The following MYH3 variants were observed in gnomAD, a reference collection of about 807,000 sequenced individuals.
MYH3 encodes the protein myosin heavy chain 3, also known as myosin-3.
A neutral mutation model predicts 238.0 loss-of-function variants in MYH3; 130 were observed. That is an observed-to-expected ratio of 0.55 (90% CI 0.47 to 0.63). MYH3 has a LOEUF of 0.63. Ranked by LOEUF, MYH3 falls within the 30% of genes least tolerant of loss-of-function variation. The pLI is 0.00. For missense variants in MYH3, 1,853 were observed against 2,374.9 expected, an observed-to-expected ratio of 0.78 and a Z score of 4.57; for synonymous variants, 880 against 924.1, an observed-to-expected ratio of 0.95 and a Z score of 0.86.
chr17:10,642,668 T>A lies in MYH3; in HGVS notation c.1637A>T (p.Asp546Val). ...ATACAGCTTGTTCTTGAAGGAGGTG[T>A]CTGTTGCCTTGGGGAACATGCACTC... ...EEECMFPKAT[D>V]TSFKNKLYDQ... Residue 546 changes from aspartate (D) to valine (V), a missense_variant, in exon 16 of 41, where the codon GAC (aspartate) becomes GTC (valine). Around this residue, in one of 3 missense-constraint regions of MYH3, gnomAD observed 678 missense variants for 1,058.9 expected, o/e 0.64. Coordinates refer to ENST00000583535, the MANE Select transcript of MYH3 (RefSeq NM_002470.4). This position sits in a 1 kb window ranked among gnomAD's most constrained non-coding sequence, Gnocchi z 5.4. 1 of 1,614,214 alleles carries A rather than the reference T, an allele frequency of 6.2e-7. No individual in the cohort carries two copies. Among genetic ancestry groups the A allele is most frequent in the Non-Finnish European group, 8.5e-7 (1 of 1,180,038 alleles).
chr17:10,663,543 G>A, the MYH3 span, among the ~76,000 whole-genome samples: 2 of 152,002 alleles, frequency 1.3e-5, no homozygotes, highest in East Asian at 3.9e-4. Flanking sequence ...AGGAAATGAA[G>A]GCTTCTGGAA....
the MYH3 span, among the ~76,000 whole-genome samples, chr17:10,668,787 T>C: frequency 6.6e-6 from 1 of 152,240 alleles, no homozygotes; most frequent in South Asian, 2.1e-4. Context: ...TCTGATGCTT[T>C]AGTTTGCTTT....
At chr17:10,649,941 TC>T (rs2074359484) in intron 6 of MYH3, among the ~76,000 whole-genome samples, 1 of 152,054 alleles carries the variant, frequency 6.6e-6, no homozygotes, top group Non-Finnish European at 1.5e-5. Context: ...CCCAAATCGA[TC>T]TTTTTATTTT....
chr17:10,630,578 G>C, intron 36 of MYH3, 120 bp from the exon 37 acceptor site: 2 of 1,449,596 alleles, frequency 1.4e-6, no homozygotes, highest in Non-Finnish European at 1.9e-6. Context: ...GGCCAGGCGC[G>C]GTGGCTCACG....
chr17:10,671,606 T>G, the MYH3 span, among the ~76,000 whole-genome samples: 2 of 136,212 alleles, frequency 1.5e-5, no homozygotes, highest in Non-Finnish European at 3.1e-5. Context: ...TGAGACAGAG[T>G]CTAGCTCTTG....
In MYH3 at chr17:10,628,595, C is replaced by T. The variant is rs2074116544; in HGVS notation, c.*58G>A. 4.4e-6 allele frequency: 7 copies of T among 1,583,674 alleles called. No homozygotes were observed. Among genetic ancestry groups the T allele is most frequent in the South Asian group, 3.3e-5 (3 of 90,522 alleles). Reference sequence around the variant, plus strand: ...CACATGGACATTAAGTATCAATGGTCAGGAATCAAGAAAATATACATTTTG... The same window carrying T: ...CACATGGACATTAAGTATCAATGGTTAGGAATCAAGAAAATATACATTTTG... On this transcript the variant is annotated 3_prime_UTR_variant, in exon 41 of 41. Coordinates refer to ENST00000583535, the MANE Select transcript of MYH3 (RefSeq NM_002470.4).
At position 10,647,351 on chromosome 17, in the gene MYH3, G is replaced by A. The variant is rs1478723747; in HGVS notation, c.799+12C>T. ...CTCTGAGACGCCATCGAATCCCCAT[G>A]GATCTACTTACAAGTTTCAATATCT... is the stretch of plus-strand genomic sequence containing the variant. On this transcript the variant is annotated intron_variant, in intron 9 of 40. Coordinates refer to ENST00000583535, the MANE Select transcript of MYH3 (RefSeq NM_002470.4). The A allele has an allele frequency of 3.1e-6, 5 of 1,614,080 alleles. No homozygotes were observed. Among genetic ancestry groups the A allele is most frequent in the Non-Finnish European group, 4.2e-6 (5 of 1,179,934 alleles).
At position 10,637,709 on chromosome 17, in the gene MYH3, G is replaced by A; in HGVS notation, c.3856+100C>T. 2.0e-6 allele frequency: 3 copies of A among 1,512,278 alleles called. No homozygotes were observed. In the South Asian group the frequency reaches 3.5e-5, roughly 17 times the overall value. The allele number at this position is 1,512,278 out of a possible 1,614,324, so 93.7% of individuals were successfully genotyped here. On this transcript the variant is annotated intron_variant, in intron 28 of 40. Coordinates refer to ENST00000583535, the MANE Select transcript of MYH3 (RefSeq NM_002470.4). ...TCTCTCCTGAAAAGATGCTTCCCTA[G>A]AGATTCTCCCTCAAACACACCCTGC...
upstream of MYH3, among the ~76,000 whole-genome samples, chr17:10,657,639 C>G (rs746185822): frequency 6.6e-6 from 1 of 152,164 alleles, no homozygotes; most frequent in Non-Finnish European, 1.5e-5. Context: ...ACACCCTGAA[C>G]GCGGCGTGAG....
intron 40 of MYH3, 102 bp downstream of exon 40, chr17:10,629,495 T>G: frequency 6.7e-7 from 1 of 1,492,976 alleles, no homozygotes; most frequent in Non-Finnish European, 9.2e-7. Flanking sequence ...TTCCTGAGCC[T>G]GAGACTCCCC....
At chr17:10,666,491 C>T in the MYH3 span, among the ~76,000 whole-genome samples, 3 of 146,724 alleles carry the variant, frequency 2.0e-5, no homozygotes, top group Non-Finnish European at 4.5e-5. Context: ...CCTGTAATCC[C>T]AACACTTTGG....
the MYH3 span, among the ~76,000 whole-genome samples, chr17:10,672,011 T>C: frequency 3.5e-4 from 53 of 152,358 alleles, no homozygotes; most frequent in South Asian, 1.7e-3. Context: ...GTTTACTTTA[T>C]GCTTTCTGCC....
upstream of MYH3, chr17:10,658,993 G>C (rs2074461811): frequency 6.6e-6 from 1 of 152,314 alleles, no homozygotes; most frequent in South Asian, 2.1e-4. Context: ...TCAGGGGACA[G>C]GGCAAGCTGT....
At chr17:10,676,686 C>A in the MYH3 span, 6 of 152,284 alleles carry the variant, frequency 3.9e-5, no homozygotes, top group African/African-American at 1.4e-4. Context: ...ATGAGGGGGA[C>A]ATTAGCATCC....
At chr17:10,647,083 T>G (rs1422680204) in intron 10 of MYH3, 99 bp downstream of exon 10, 1 of 896,452 alleles carries the variant, frequency 1.1e-6, no homozygotes, top group African/African-American at 1.7e-5. Flanking sequence ...AAACTTTCCC[T>G]GTTGACTGTA....
At chr17:10,634,571 T>A (rs1273844192) in intron 31 of MYH3, among the ~76,000 whole-genome samples, 1 of 152,192 alleles carries the variant, frequency 6.6e-6, no homozygotes, top group African/African-American at 2.4e-5. Context: ...AGACCAGTAG[T>A]ACGGAAAGGA....
chr17:10,668,490 A>G, the MYH3 span, among the ~76,000 whole-genome samples: 1 of 152,200 alleles, frequency 6.6e-6, no homozygotes, highest in East Asian at 1.9e-4. Flanking sequence ...TACTACATGA[A>G]CCTTGGTGAG....
chr17:10,655,473 G>A (rs1301184704), intron 2 of MYH3, among the ~76,000 whole-genome samples: 2 of 152,348 alleles, frequency 1.3e-5, no homozygotes, highest in East Asian at 3.9e-4. Context: ...CATCTTCAAA[G>A]AGAGTGTGCT....
chr17:10,637,291 C>T (rs182336803), intron 28 of MYH3, among the ~76,000 whole-genome samples: 134 of 152,150 alleles, frequency 8.8e-4, no homozygotes, highest in African/African-American at 3.1e-3. Flanking sequence ...AACTCCTGAC[C>T]TCAGGTGATC....
Sources: allele counts gnomAD v4.1 joint callset (sites outside exome capture counted in the v4.1 genomes callset), GRCh38; gene constraint gnomAD v4.1.1; regional missense constraint gnomAD v4.1.1; non-coding constraint Gnocchi (gnomAD v3.1); transcripts MANE v1.5; gene names NCBI Gene and HGNC (gene_info 2026-07-23, HGNC 2026-07-21).